Variants in DGKG observed in about 807,000 individuals in gnomAD.
DGKG encodes DAG kinase gamma.
In DGKG, 78 loss-of-function variants were observed where a neutral mutation model predicts 105.3. The ratio of observed to expected loss-of-function variants is 0.74; its 90% CI spans 0.62 to 0.89. The LOEUF is 0.89. DGKG is among the 40% of genes least tolerant of loss of function. The probability of loss-of-function intolerance (pLI) is 0.00; values close to 1 mark genes in which losing one functional copy is unlikely to be tolerated. For synonymous variants in DGKG, 346 were observed against 367.1 expected, an observed-to-expected ratio of 0.94 and a Z score of 0.66; for missense variants, 958 against 1,020.1, an observed-to-expected ratio of 0.94 and a Z score of 0.83.
chr3:186,358,997 T>C (rs973990799), intron 1 of DGKG, among the ~76,000 whole-genome samples: 2 of 152,232 alleles, frequency 1.3e-5, no homozygotes, highest in South Asian at 2.1e-4. Context: ...AAAATAGGTA[T>C]AGCTTTATGT....
intron 20 of DGKG, among the ~76,000 whole-genome samples, chr3:186,238,102 T>A (rs917894871): frequency 2.0e-5 from 3 of 151,686 alleles, no homozygotes; most frequent in African/African-American, 7.3e-5. Context: ...AGACCAGGCT[T>A]GCTGACATGG....
At position 186,148,026 on chromosome 3, in the gene DGKG, A is replaced by G; in HGVS notation, c.*2064T>C. 3.0e-6 allele frequency: 3 copies of G among 985,412 alleles called. No individual in the cohort carries two copies. Among genetic ancestry groups the G allele is most frequent in the South Asian group, 4.7e-5 (1 of 21,276 alleles). The allele number at this position is 985,412 out of a possible 1,614,324, so 61.0% of individuals were successfully genotyped here. On this transcript the variant is annotated 3_prime_UTR_variant, in exon 25 of 25. Transcript: ENST00000265022. ...CAGTTAAGTGCCATTTGTACACACA[A>G]TCTTAATATTCCCTTCTTTGTCCAA...
At chr3:186,162,682 G>A (rs1385856614) in intron 23 of DGKG, among the ~76,000 whole-genome samples, 1 of 150,672 alleles carries the variant, frequency 6.6e-6, no homozygotes, top group Non-Finnish European at 1.5e-5. Flanking sequence ...TGGGACTATA[G>A]GTGCCTGCCA....
intron 1 of DGKG, among the ~76,000 whole-genome samples, chr3:186,323,768 C>T (rs1390067161): frequency 6.6e-6 from 1 of 151,988 alleles, no homozygotes; most frequent in Non-Finnish European, 1.5e-5. Flanking sequence ...AACCCCGTCT[C>T]TACTAAAAAC....
chr3:186,191,403 C>G (rs1717900255), intron 21 of DGKG, among the ~76,000 whole-genome samples: 1 of 152,192 alleles, frequency 6.6e-6, no homozygotes. Context: ...TTGTCTGCCT[C>G]TTATTGGCTA....
In DGKG at chr3:186,161,393, GC is replaced by G. The variant is rs1314270894; in HGVS notation, c.2277+209del. ...TATGTCTCATTCAATTTTGTGACCG[GC>G]GCTTCACAGTGTCTGGCATATAGCA... On this transcript the variant is annotated intron_variant, in intron 24 of 24. Transcript: ENST00000265022. 7 of 1,404,396 alleles carry G rather than the reference GC, an allele frequency of 5.0e-6. No homozygotes were observed. The Admixed American group carries it at 1.5e-4, about 30-fold the overall frequency. The allele number at this position is 1,404,396 out of a possible 1,614,324, so 87.0% of individuals were successfully genotyped here.
intron 9 of DGKG, among the ~76,000 whole-genome samples, chr3:186,277,947 G>A (rs1722659488): frequency 6.6e-6 from 1 of 152,162 alleles, no homozygotes; most frequent in African/African-American, 2.4e-5. Context: ...ACCCCAAATA[G>A]TAAGTGTTAA....
chr3:186,339,168 C>T (rs757861342), intron 1 of DGKG, among the ~76,000 whole-genome samples: 1 of 152,166 alleles, frequency 6.6e-6, no homozygotes, highest in Non-Finnish European at 1.5e-5. Flanking sequence ...TATGCTTGTG[C>T]ATTTATCAAG....
At chr3:186,165,136 A>T in intron 22 of DGKG, 118 bp from the exon 23 acceptor site, 1 of 1,093,086 alleles carries the variant, frequency 9.1e-7, no homozygotes, top group South Asian at 1.7e-5. Flanking sequence ...CTCCCACCAA[A>T]CACCTTTTTC....
chr3:186,225,427 A>G (rs1350238356), intron 20 of DGKG, among the ~76,000 whole-genome samples: 2 of 152,202 alleles, frequency 1.3e-5, no homozygotes, highest in Non-Finnish European at 2.9e-5. Flanking sequence ...ATTGGCCCCC[A>G]TCACAACCCT....
chr3:186,330,896 G>C (rs6803127), intron 1 of DGKG, among the ~76,000 whole-genome samples: 49,039 of 152,054 alleles, frequency 0.32, 9,766 homozygotes, highest in African/African-American at 0.56. Flanking sequence ...GGAGCAACAA[G>C]ATTTTGGGGC....
At chr3:186,302,972 G>A (rs564325495) in intron 3 of DGKG, among the ~76,000 whole-genome samples, 2 of 152,100 alleles carry the variant, frequency 1.3e-5, no homozygotes, top group Non-Finnish European at 2.9e-5. Context: ...ATGCCTCCGA[G>A]GCTCAGGAAA....
At chr3:186,197,891 G>A (rs141801123) in intron 21 of DGKG, among the ~76,000 whole-genome samples, 39 of 152,158 alleles carry the variant, frequency 2.6e-4, no homozygotes, top group Non-Finnish European at 4.7e-4. Flanking sequence ...TTTCCTCAAT[G>A]CTCTTGCTAG....
chr3:186,292,390 TCA>T (rs1419168530), intron 5 of DGKG, among the ~76,000 whole-genome samples: 1 of 152,240 alleles, frequency 6.6e-6, no homozygotes, highest in African/African-American at 2.4e-5. Flanking sequence ...ACACTCAACC[TCA>T]GTTTTCTCAT....
intron 13 of DGKG, among the ~76,000 whole-genome samples, chr3:186,265,636 C>T (rs7616641): frequency 6.8e-6 from 1 of 146,454 alleles, no homozygotes; most frequent in South Asian, 2.2e-4. Flanking sequence ...TTAGACTTGG[C>T]GACTTGGCTT....
At chr3:186,292,086 G>A (rs1231262478) in intron 5 of DGKG, among the ~76,000 whole-genome samples, 1 of 152,216 alleles carries the variant, frequency 6.6e-6, no homozygotes, top group East Asian at 1.9e-4. Context: ...CGACCCTCAG[G>A]TACCACCAGT....
At position 186,147,931 on chromosome 3, in the gene DGKG, C is replaced by G; in HGVS notation, c.*2159G>C. 1.0e-6 allele frequency: 1 copy of G among 985,374 alleles called. No homozygotes were observed. Among genetic ancestry groups the G allele is most frequent in the Non-Finnish European group, 1.2e-6 (1 of 829,938 alleles). The allele number at this position is 985,374 out of a possible 1,614,324, so 61.0% of individuals were successfully genotyped here. On this transcript the variant is annotated 3_prime_UTR_variant, in exon 25 of 25. Transcript: ENST00000265022. Reference sequence around the variant, plus strand: ...TATTCTTCAGGTGGCCTGGTTTTCCCCTTACTTAGCATTCTGCACTGTTAG... The same window carrying G: ...TATTCTTCAGGTGGCCTGGTTTTCCGCTTACTTAGCATTCTGCACTGTTAG...
At chr3:186,252,045 G>A in intron 18 of DGKG, 126 bp from the exon 19 acceptor site, 1 of 864,720 alleles carries the variant, frequency 1.2e-6, no homozygotes, top group South Asian at 2.1e-5. Context: ...CTGTGTCTGT[G>A]GGCTAGAGAC....
chr3:186,280,613 T>C (rs1722786170), intron 8 of DGKG, 57 bp downstream of exon 8: 6 of 1,357,480 alleles, frequency 4.4e-6, no homozygotes, highest in Admixed American at 1.7e-5. Context: ...CTTGAGTGTG[T>C]CCCCCTCCCG....
Sources: allele counts gnomAD v4.1 joint callset (sites outside exome capture counted in the v4.1 genomes callset), GRCh38; gene constraint gnomAD v4.1.1; transcripts MANE v1.5; gene names NCBI Gene and HGNC (gene_info 2026-07-23, HGNC 2026-07-21).